Variants in PRELID2 observed in about 807,000 individuals in gnomAD.
PRELID2 encodes the protein PRELI domain-containing protein 2.
PRELID2 carries 25 observed loss-of-function variants against 28.4 expected under a neutral mutation model. The ratio of observed to expected loss-of-function variants is 0.88; its 90% CI spans 0.64 to 1.23. The LOEUF (loss-of-function observed/expected upper bound fraction) is 1.23. PRELID2 is among the 50% of genes most tolerant of loss of function. The pLI is 0.00. For missense variants in PRELID2, 201 were observed against 214.4 expected (o/e 0.94, Z 0.39); for synonymous variants, 76 against 71.6 (o/e 1.06, Z -0.31).
intron 1 of PRELID2, among the ~76,000 whole-genome samples, chr5:145,588,266 C>T (rs1433172057): frequency 6.6e-6 from 1 of 151,998 alleles, no homozygotes; most frequent in Non-Finnish European, 1.5e-5. Context: ...GTAAGGACAC[C>T]AAAGCTTAGA....
At chr5:145,267,368 T>C in the PRELID2 span, among the ~76,000 whole-genome samples, 931 of 152,240 alleles carry the variant, frequency 6.1e-3, 7 homozygotes, top group African/African-American at 0.02. Context: ...GGATCAATAC[T>C]TTGCATCCTT....
intron 5 of PRELID2, among the ~76,000 whole-genome samples, chr5:145,778,834 T>G (rs771919743): frequency 6.6e-6 from 1 of 152,158 alleles, no homozygotes; most frequent in Non-Finnish European, 1.5e-5. Flanking sequence ...CAGGCCCAAG[T>G]AAAACTCAGG....
intron 1 of PRELID2, among the ~76,000 whole-genome samples, chr5:145,710,725 G>A (rs1008732352): frequency 3.3e-5 from 5 of 152,162 alleles, no homozygotes; most frequent in Admixed American, 6.5e-5. Flanking sequence ...CCAAAATGTC[G>A]CTGAGGCTCA....
At chr5:145,299,116 C>T in the PRELID2 span, among the ~76,000 whole-genome samples, 1 of 152,098 alleles carries the variant, frequency 6.6e-6, no homozygotes, top group African/African-American at 2.4e-5. Flanking sequence ...TAATTATCAA[C>T]TCAAAACCCA....
At chr5:145,816,368 C>T (rs1754309649) in intron 4 of PRELID2, among the ~76,000 whole-genome samples, 1 of 152,074 alleles carries the variant, frequency 6.6e-6, no homozygotes, top group African/African-American at 2.4e-5. Context: ...AGGCATGAGT[C>T]ACCACGCCCA....
At chr5:145,765,336 T>C (rs781355806) in intron 5 of PRELID2, among the ~76,000 whole-genome samples, 104 of 152,316 alleles carry the variant, frequency 6.8e-4, no homozygotes, top group Admixed American at 7.8e-4. Flanking sequence ...TTAATATTCA[T>C]TGAACATTTA....
chr5:145,515,759 G>A (rs1318948343), intron 1 of PRELID2, among the ~76,000 whole-genome samples: 6 of 152,216 alleles, frequency 3.9e-5, no homozygotes, highest in Admixed American at 6.5e-5. Context: ...CTGGGAAACC[G>A]AATGCAGCAG....
chr5:145,269,302 A>G, the PRELID2 span, among the ~76,000 whole-genome samples: 1 of 152,248 alleles, frequency 6.6e-6, no homozygotes, highest in East Asian at 1.9e-4. Flanking sequence ...AGTTAAGCAA[A>G]TAGATCATTG....
intron 1 of PRELID2, among the ~76,000 whole-genome samples, chr5:145,740,303 T>G (rs1398325224): frequency 1.0e-5 from 1 of 95,854 alleles, no homozygotes; most frequent in African/African-American, 4.1e-5. Context: ...TATATATATA[T>G]ATATATATAT....
chr5:145,338,762 C>G, the PRELID2 span, among the ~76,000 whole-genome samples: 1 of 152,142 alleles, frequency 6.6e-6, no homozygotes, highest in Admixed American at 6.5e-5. Flanking sequence ...AGTTGAAACA[C>G]TGGCCCAATA....
chr5:145,481,623 C>CAAAAAAAAAAAAAAAAAAAAAAAG (rs1752160492), intron 1 of PRELID2, among the ~76,000 whole-genome samples: 1 of 41,862 alleles, frequency 2.4e-5, no homozygotes, highest in Non-Finnish European at 3.8e-5. Context: ...GCAAGGAAAT[C>CAAAAAAAAAAAAAAAAAAAAAAAG]AAAAAAAAAA....
chr5:145,470,490 C>G (rs1432846443), downstream of PRELID2, among the ~76,000 whole-genome samples: 3 of 151,944 alleles, frequency 2.0e-5, no homozygotes, highest in East Asian at 1.9e-4. Context: ...ATTTTTATAA[C>G]AAAATGATGA....
At position 145,818,201 on chromosome 5, in the gene PRELID2, T is replaced by C. The variant is rs1581266077; in HGVS notation, c.208-147A>G. ...ATGGCTCACCAGTGGCTGTACGTTT[T>C]TGATAATCAAACATACTATGACCTT... is the stretch of plus-strand genomic sequence containing the variant. On this transcript the variant is annotated intron_variant, in intron 3 of 6. Coordinates refer to ENST00000683046, the MANE Select transcript of PRELID2 (RefSeq NM_205846.3). 3.7e-6 allele frequency: 3 copies of C among 809,684 alleles called. No homozygotes were observed. In the South Asian group the frequency reaches 5.4e-5, roughly 15 times the overall value. 50.2% of individuals were successfully genotyped at this position (809,684 alleles called of 1,614,324 possible).
At chr5:145,353,465 A>AT in the PRELID2 span, among the ~76,000 whole-genome samples, 6 of 151,622 alleles carry the variant, frequency 4.0e-5, no homozygotes, top group Non-Finnish European at 8.8e-5. Flanking sequence ...TCCATCTCAA[A>AT]AAAAAAAGAA....
chr5:145,820,951 G>A (rs2029486), intron 2 of PRELID2, among the ~76,000 whole-genome samples: 76,328 of 151,754 alleles, frequency 0.5, 23,188 homozygotes, highest in Non-Finnish European at 0.69. Context: ...GGGGTTTTAC[G>A]CACGTTGGCA....
At chr5:145,415,541 T>C in the PRELID2 span, among the ~76,000 whole-genome samples, 1 of 151,094 alleles carries the variant, frequency 6.6e-6, no homozygotes, top group South Asian at 2.1e-4. Context: ...TTTGGTTTTT[T>C]GTCCTTGCGA....
intron 1 of PRELID2, among the ~76,000 whole-genome samples, chr5:145,558,137 T>C (rs1752896794): frequency 6.6e-6 from 1 of 152,216 alleles, no homozygotes; most frequent in African/African-American, 2.4e-5. Context: ...TTACTTAAAC[T>C]CTCCGACATT....
chr5:145,600,434 A>AAATATATATATATATATATATATATAT (rs1315631607), intron 1 of PRELID2, among the ~76,000 whole-genome samples: 1 of 120,118 alleles, frequency 8.3e-6, no homozygotes, highest in African/African-American at 4.1e-5. Flanking sequence ...AAAAAAAAAA[A>AAATATATATATATATATATATATATAT]ATATATATAT....
rs1385620766 is a variant in PRELID2 at position 145,563,929 on chromosome 5, C to G, written n.71-90614G>C. ...CATGAAAGTAGATTTCAAGTGCTCT[C>G]ACCAAAAAAAGTAACTATAAGAAGA... On this transcript the variant is annotated intron_variant and non_coding_transcript_variant, in intron 1 of 2. Transcript: ENST00000510259. 2.0e-5 allele frequency among the ~76,000 whole-genome samples: 3 copies of G among 152,092 alleles called. No individual in the cohort carries two copies. The East Asian group carries it at 5.8e-4, about 29-fold the overall frequency.
Sources: gnomAD v4.1 joint callset for allele counts (sites outside exome capture counted in the v4.1 genomes callset) on GRCh38, gnomAD v4.1.1 for gene constraint, MANE v1.5 for transcripts, NCBI Gene and HGNC (gene_info 2026-07-23, HGNC 2026-07-21) for gene names.